ANKRD27: variants seen among roughly 807,000 people sequenced by gnomAD.
The protein encoded by ANKRD27 is ankyrin repeat domain-containing protein 27.
In ANKRD27, 112 loss-of-function variants were observed where a neutral mutation model predicts 129.7. The ratio of observed to expected loss-of-function variants is 0.86; its 90% CI spans 0.74 to 1.01. The LOEUF is 1.01. Ranked by LOEUF, ANKRD27 falls within the 50% of genes least tolerant of loss-of-function variation. The pLI is 0.00. For synonymous variants in ANKRD27, 516 were observed against 511.2 expected (o/e 1.01, Z -0.13); for missense variants, 1,258 against 1,300.5 (o/e 0.97, Z 0.50).
chr19:32,656,075 G>GA (rs1408317072), intron 2 of ANKRD27, among the ~76,000 whole-genome samples: 130 of 21,332 alleles, frequency 6.1e-3, no homozygotes, highest in African/African-American at 0.013. Flanking sequence ...AAGAAAGAAA[G>GA]AAAGAAAGAA....
chr19:32,624,680 C>T (rs1295929027), intron 17 of ANKRD27, among the ~76,000 whole-genome samples: 1 of 152,176 alleles, frequency 6.6e-6, no homozygotes, highest in Non-Finnish European at 1.5e-5. Flanking sequence ...GTGGCTCATG[C>T]CTGTATTCCC....
intron 14 of ANKRD27, 102 bp downstream of exon 14, chr19:32,628,620 A>C: frequency 2.8e-6 from 4 of 1,436,730 alleles, no homozygotes; most frequent in Non-Finnish European, 3.8e-6. Flanking sequence ...GGGGGCAGGG[A>C]GGACAGTCCT....
In ANKRD27 at chr19:32,619,529, G is replaced by T; in HGVS notation, c.1852C>A (p.His618Asn). 6.2e-7 allele frequency: 1 copy of T among 1,614,174 alleles called. No individual in the cohort carries two copies. Among genetic ancestry groups the T allele is most frequent in the Non-Finnish European group, 8.5e-7 (1 of 1,180,028 alleles). The change falls in exon 19 of 29, where the codon CAC becomes AAC. Residue 618 changes from histidine to asparagine, a missense_variant. Physicochemically the swap from His to Asn is moderately conservative, Grantham distance 68. Coordinates refer to ENST00000306065, the MANE Select transcript of ANKRD27 (RefSeq NM_032139.3). ...TTCTGCCTCCTCTCGAAGGACAGGT[G>T]ATAGGCTTCCATTACAGACAGAATC... ...SKILSVMEAY[H>N]LSFERRQKSS... is the part of the protein sequence containing the mutation.
chr19:32,673,430 G>A, intron 1 of ANKRD27: 1 of 985,350 alleles, frequency 1.0e-6, no homozygotes, highest in African/African-American at 1.7e-5. Flanking sequence ...CCAGCGCCGA[G>A]CTCTGCAGGA....
In ANKRD27 at chr19:32,656,108, A is replaced by AAAGAAAGAAAG. The variant is rs3042683; in HGVS notation, c.102+2805_102+2806insCTTTCTTTCTT. On this transcript the variant is annotated intron_variant, in intron 2 of 28. Transcript: ENST00000306065. The stretch of plus-strand genomic sequence containing the variant: ...GAAAGAAAGAAAGAAAGAAAGAAAG[A>AAAGAAAGAAAG]AAAGAAAAGAAAAGAAAAGAAAAGA... Among the ~76,000 whole-genome samples, 100 of 103,194 alleles carry AAAGAAAGAAAG rather than the reference A, an allele frequency of 9.7e-4. 1 individual carries two copies. Among genetic ancestry groups the AAAGAAAGAAAG allele is most frequent in the African/African-American group, 3.4e-3 (89 of 25,956 alleles). The allele number at this position is 103,194 out of a possible 152,430, so 67.7% of individuals were successfully genotyped here. A position where few individuals can be genotyped will look rare whatever the true frequency, so the allele number is the denominator to read the frequency against.
intron 12 of ANKRD27, chr19:32,639,096 G>A (rs1374202089): frequency 2.1e-6 from 1 of 473,276 alleles, no homozygotes; most frequent in Non-Finnish European, 3.7e-6. Flanking sequence ...GCACCCACAT[G>A]TCTTTGGAGA....
chr19:32,659,113 T>C (rs1967598480), intron 1 of ANKRD27, 68 bp from the exon 2 acceptor site: 2 of 714,180 alleles, frequency 2.8e-6, no homozygotes, highest in Non-Finnish European at 4.9e-6. Context: ...AAAGTCTGCA[T>C]CTGATGCATC....
chr19:32,651,775 C>T (rs1967420866), intron 2 of ANKRD27, among the ~76,000 whole-genome samples: 1 of 152,180 alleles, frequency 6.6e-6, no homozygotes. Context: ...TTGCATAATG[C>T]ACGTCTGGCC....
chr19:32,631,011 C>G (rs1966982474), intron 13 of ANKRD27, among the ~76,000 whole-genome samples: 1 of 151,948 alleles, frequency 6.6e-6, no homozygotes, highest in Admixed American at 6.6e-5. Context: ...ATGCAGACCA[C>G]CACCCTGATC....
rs149637042 is a variant in ANKRD27 at position 32,627,362 on chromosome 19, TTTTATTTATTTATTTATTTATTTATTTA to T, written c.1421-563_1421-536del. ...TTTTCTATCTTGAATGTGCACTTTA[TTTTATTTATTTATTTATTTATTTATTTA>T]TTTATTTATTTATTTATTTATTTTT... On this transcript the variant is annotated intron_variant, in intron 15 of 28. Coordinates refer to ENST00000306065, the MANE Select transcript of ANKRD27 (RefSeq NM_032139.3). Among the ~76,000 whole-genome samples, 3 of 132,256 alleles carry T rather than the reference TTTTATTTATTTATTTATTTATTTATTTA, an allele frequency of 2.3e-5. 1 individual carries two copies. Among genetic ancestry groups the T allele is most frequent in the African/African-American group, 6.0e-5 (2 of 33,324 alleles). 86.8% of individuals were successfully genotyped at this position (132,256 alleles called of 152,430 possible). A position where few individuals can be genotyped will look rare whatever the true frequency, so the allele number is the denominator to read the frequency against.
At chr19:32,631,519 C>A (rs1178493601) in intron 12 of ANKRD27, 25 bp from the exon 13 acceptor site, 2 of 1,591,178 alleles carry the variant, frequency 1.3e-6, no homozygotes, top group Non-Finnish European at 1.7e-6. Context: ...CCAAACACAC[C>A]ACGAGATGTC....
At chr19:32,637,642 G>A in intron 12 of ANKRD27, 1 of 152,382 alleles carries the variant, frequency 6.6e-6, no homozygotes, top group East Asian at 1.9e-4. Context: ...ATCTCCTACT[G>A]AGCTGGCAGG....
intron 22 of ANKRD27, among the ~76,000 whole-genome samples, chr19:32,610,822 A>G (rs1971824679): frequency 6.6e-6 from 1 of 151,914 alleles, no homozygotes; most frequent in Non-Finnish European, 1.5e-5. Context: ...AATACATTAA[A>G]CACCACTGGA....
chr19:32,651,223 A>C (rs1017858718), intron 2 of ANKRD27, among the ~76,000 whole-genome samples: 2 of 152,196 alleles, frequency 1.3e-5, no homozygotes, highest in African/African-American at 4.8e-5. Flanking sequence ...AGTGGGCCAC[A>C]GGCAATGGGA....
chr19:32,656,059 A>AAAAGAAAGAAAGAAAGAAAGAAAGAAAG (rs752509674), intron 2 of ANKRD27, among the ~76,000 whole-genome samples: 2 of 65,882 alleles, frequency 3.0e-5, no homozygotes, highest in Non-Finnish European at 6.7e-5. Flanking sequence ...GAAAAGAAAG[A>AAAAGAAAGAAAGAAAGAAAGAAAGAAAG]AAAGAAAGAA....
chr19:32,659,494 T>C (rs2145318902), intron 1 of ANKRD27, among the ~76,000 whole-genome samples: 1 of 152,300 alleles, frequency 6.6e-6, no homozygotes, highest in East Asian at 1.9e-4. Context: ...AACCCACTAA[T>C]TCCAAGATGA....
intron 12 of ANKRD27, chr19:32,636,622 A>C (rs1426984778): frequency 6.6e-6 from 1 of 151,890 alleles, no homozygotes; most frequent in East Asian, 1.9e-4. Flanking sequence ...CTTCACTGCC[A>C]TTTTATAGAC....
intron 3 of ANKRD27, among the ~76,000 whole-genome samples, chr19:32,648,336 T>C (rs745693102): frequency 2.2e-4 from 34 of 152,234 alleles, no homozygotes; most frequent in Middle Eastern, 3.4e-3. Context: ...AAAGATATAA[T>C]TGGTATAATC....
In ANKRD27 at chr19:32,604,141, C is replaced by T. The variant is rs1186303133; in HGVS notation, c.2655+122G>A. The T allele has an allele frequency of 3.4e-5, 39 of 1,164,086 alleles. No homozygotes were observed. The South Asian group carries it at 4.3e-4, about 13-fold the overall frequency. 72.1% of individuals were successfully genotyped at this position (1,164,086 alleles called of 1,614,324 possible). On this transcript the variant is annotated intron_variant, in intron 25 of 28. Coordinates refer to ENST00000306065, the MANE Select transcript of ANKRD27 (RefSeq NM_032139.3). ...CTGTGGACTTCTGGCACACCAACTACGCCCAGCCCGGCGATGCCAAGGGCC... is the reference window on the plus strand; with the variant it reads ...CTGTGGACTTCTGGCACACCAACTATGCCCAGCCCGGCGATGCCAAGGGCC...
Sources: allele counts gnomAD v4.1 joint callset (sites outside exome capture counted in the v4.1 genomes callset), GRCh38; gene constraint gnomAD v4.1.1; transcripts MANE v1.5; gene names NCBI Gene and HGNC (gene_info 2026-07-23, HGNC 2026-07-21).